MGAT4C: variants seen among roughly 807,000 people sequenced by gnomAD.
MGAT4C encodes the protein MGAT4 family member C, also known as alpha-1,3-mannosyl-glycoprotein 4-beta-N-acetylglucosaminyltransferase C.
In MGAT4C, 19 loss-of-function variants were observed where a neutral mutation model predicts 40.1. The ratio of observed to expected loss-of-function variants is 0.47; its 90% CI spans 0.33 to 0.70. The LOEUF (loss-of-function observed/expected upper bound fraction) is 0.70. Among genes scored for constraint, MGAT4C ranks in the 30% least tolerant of loss-of-function variants. The pLI is 0.02. For synonymous variants in MGAT4C, 181 were observed against 187.1 expected, an observed-to-expected ratio of 0.97 and a Z score of 0.27; for missense variants, 491 against 563.2, an observed-to-expected ratio of 0.87 and a Z score of 1.30.
intron 1 of MGAT4C, among the ~76,000 whole-genome samples, chr12:86,055,683 C>G (rs1217369709): frequency 6.6e-6 from 1 of 151,988 alleles, no homozygotes; most frequent in Non-Finnish European, 1.5e-5. Context: ...AATATTACCA[C>G]AAACATATAA....
intron 1 of MGAT4C, among the ~76,000 whole-genome samples, chr12:86,248,270 C>G (rs1385165079): frequency 2.0e-5 from 3 of 151,738 alleles, no homozygotes; most frequent in Admixed American, 6.6e-5. Context: ...GCCAGACATT[C>G]ATTCAGCAAA....
intron 1 of MGAT4C, among the ~76,000 whole-genome samples, chr12:86,100,430 C>A (rs1359118615): frequency 1.3e-5 from 2 of 151,308 alleles, no homozygotes; most frequent in African/African-American, 4.8e-5. Context: ...GATTTTACAT[C>A]AACATTCAAG....
At chr12:86,002,736 A>G (rs1887464810) in intron 2 of MGAT4C, among the ~76,000 whole-genome samples, 1 of 150,100 alleles carries the variant, frequency 6.7e-6, no homozygotes, top group South Asian at 2.1e-4. Flanking sequence ...TGAGTAATAT[A>G]TATGATTATA....
At chr12:86,516,397 C>G (rs1056940692) in intron 2 of MGAT4C, among the ~76,000 whole-genome samples, 15 of 152,102 alleles carry the variant, frequency 9.9e-5, no homozygotes, top group Admixed American at 7.9e-4. Context: ...TTATCCATGG[C>G]AAAATACCAA....
intron 2 of MGAT4C, among the ~76,000 whole-genome samples, chr12:86,540,104 T>C (rs1163930385): frequency 6.6e-6 from 1 of 152,238 alleles, no homozygotes; most frequent in Non-Finnish European, 1.5e-5. Flanking sequence ...CCCATGCCTA[T>C]GTCCTGAATG....
At chr12:86,804,572 A>G (rs1320056824) in intron 1 of MGAT4C, among the ~76,000 whole-genome samples, 1 of 151,946 alleles carries the variant, frequency 6.6e-6, no homozygotes, top group Non-Finnish European at 1.5e-5. Flanking sequence ...TCAGTGACAA[A>G]ATATAATACC....
chr12:86,773,674 T>C (rs1247744052), intron 1 of MGAT4C, among the ~76,000 whole-genome samples: 1 of 152,046 alleles, frequency 6.6e-6, no homozygotes, highest in Non-Finnish European at 1.5e-5. Context: ...ATCTAATAAT[T>C]TATATTCATA....
chr12:86,492,502 G>C (rs61950779), intron 2 of MGAT4C, among the ~76,000 whole-genome samples: 1 of 151,954 alleles, frequency 6.6e-6, no homozygotes, highest in Non-Finnish European at 1.5e-5. Flanking sequence ...CGTATCTACA[G>C]CTATCTGATC....
intron 1 of MGAT4C, among the ~76,000 whole-genome samples, chr12:86,083,969 C>T (rs1319096871): frequency 1.3e-5 from 2 of 151,702 alleles, no homozygotes; most frequent in Non-Finnish European, 2.9e-5. Context: ...TGTAGCTCTC[C>T]CATGGACCCC....
chr12:86,317,966 C>T (rs1400632326), intron 4 of MGAT4C, among the ~76,000 whole-genome samples: 4 of 151,560 alleles, frequency 2.6e-5, no homozygotes, highest in Admixed American at 6.6e-5. Flanking sequence ...CCATGTTTAT[C>T]TTATGTTAAA....
At chr12:86,815,422 T>C (rs1237730638) in intron 1 of MGAT4C, among the ~76,000 whole-genome samples, 1 of 151,812 alleles carries the variant, frequency 6.6e-6, no homozygotes, top group Non-Finnish European at 1.5e-5. Flanking sequence ...ACAGCCACTG[T>C]GGAAAACAGT....
At chr12:86,241,115 G>A (rs1288482445) in intron 1 of MGAT4C, among the ~76,000 whole-genome samples, 1 of 152,056 alleles carries the variant, frequency 6.6e-6, no homozygotes, top group African/African-American at 2.4e-5. Context: ...AAACAAATCT[G>A]GGGGTACATA....
chr12:86,055,218 A>C (rs1893271468), intron 1 of MGAT4C, among the ~76,000 whole-genome samples: 1 of 152,068 alleles, frequency 6.6e-6, no homozygotes, highest in Non-Finnish European at 1.5e-5. Context: ...GATTTATTCA[A>C]ACTACAGCTA....
chr12:86,541,558 T>C (rs1482950375), intron 2 of MGAT4C, among the ~76,000 whole-genome samples: 6 of 152,122 alleles, frequency 3.9e-5, no homozygotes, highest in Non-Finnish European at 7.4e-5. Context: ...AAATGGCAAA[T>C]TAAAATGCAT....
intron 1 of MGAT4C, among the ~76,000 whole-genome samples, chr12:86,797,824 T>G (rs150212107): frequency 8.3e-4 from 126 of 152,102 alleles, no homozygotes; most frequent in Non-Finnish European, 1.6e-3. Flanking sequence ...TATTCTTTAT[T>G]GTAGTTACTG....
rs532130480 is a variant in MGAT4C at position 86,836,403 on chromosome 12, T to G, written c.-262+2263A>C. Among the ~76,000 whole-genome samples the G allele has an allele frequency of 5.3e-5, 8 of 151,706 alleles. No homozygotes were observed. The South Asian group carries it at 1.5e-3, about 28-fold the overall frequency. On this transcript the variant is annotated intron_variant, in intron 1 of 7. Transcript: ENST00000548651. The stretch of plus-strand genomic sequence containing the variant: ...TGGCTGATTTAGGAGAGAATACCAT[T>G]ACATTTTTTTTTGTCCTACATGTTG...
intron 2 of MGAT4C, among the ~76,000 whole-genome samples, chr12:86,440,725 C>G (rs1005634590): frequency 6.6e-6 from 1 of 151,726 alleles, no homozygotes; most frequent in African/African-American, 2.4e-5. Flanking sequence ...CCTAGGAAAC[C>G]CTAAAGAGTC....
intron 1 of MGAT4C, among the ~76,000 whole-genome samples, chr12:86,821,928 G>A (rs1390825260): frequency 6.6e-6 from 1 of 150,888 alleles, no homozygotes; most frequent in African/African-American, 2.4e-5. Context: ...TATTATAACG[G>A]TGGTAGGTAA....
chr12:86,787,642 G>A (rs1413096973), intron 1 of MGAT4C, among the ~76,000 whole-genome samples: 1 of 152,126 alleles, frequency 6.6e-6, no homozygotes, highest in Non-Finnish European at 1.5e-5. Flanking sequence ...CAAGGATGTG[G>A]AGAAAAGGGA....
Sources: allele counts gnomAD v4.1 joint callset (sites outside exome capture counted in the v4.1 genomes callset), GRCh38; gene constraint gnomAD v4.1.1; transcripts MANE v1.5; gene names NCBI Gene and HGNC (gene_info 2026-07-23, HGNC 2026-07-21).